TLCD4: variants seen among roughly 807,000 people sequenced by gnomAD.
TLCD4 encodes the protein TLC domain containing 4.
Under a neutral mutation model 24.2 loss-of-function variants are expected in TLCD4, and 7 were observed. The observed-to-expected ratio is 0.29, with a 90% confidence interval of 0.16 to 0.54. The LOEUF is 0.54. TLCD4 is among the 20% of genes least tolerant of loss of function. TLCD4 has a pLI of 0.95. For synonymous variants in TLCD4, 103 were observed against 106.4 expected, an observed-to-expected ratio of 0.97 and a Z score of 0.20; for missense variants, 259 against 313.9, an observed-to-expected ratio of 0.82 and a Z score of 1.32.
At chr1:95,150,690 CTTT>C (rs981878604) in intron 4 of TLCD4, among the ~76,000 whole-genome samples, 4 of 151,750 alleles carry the variant, frequency 2.6e-5, no homozygotes, top group Non-Finnish European at 5.9e-5. Flanking sequence ...CTTTGTTTTT[CTTT>C]TTAATAGTTA....
At chr1:95,095,599 G>A in the TLCD4 span, among the ~76,000 whole-genome samples, 63 of 152,058 alleles carry the variant, frequency 4.1e-4, no homozygotes, top group African/African-American at 9.6e-4. Context: ...GGGTTTCACC[G>A]TGTTAGCCAG....
intron 5 of TLCD4, among the ~76,000 whole-genome samples, chr1:95,158,847 T>C: frequency 6.6e-6 from 1 of 152,186 alleles, no homozygotes; most frequent in East Asian, 1.9e-4. Flanking sequence ...CTCATTCTTT[T>C]TTATGGTGCA....
chr1:95,099,053 CAAAAAAAAAA>C, the TLCD4 span, among the ~76,000 whole-genome samples: 1 of 70,656 alleles, frequency 1.4e-5, no homozygotes, highest in Non-Finnish European at 2.6e-5. Flanking sequence ...AACTCTGTCT[CAAAAAAAAAA>C]AAAAAAAAAA....
rs556494751 is a variant in TLCD4 at position 95,140,677 on chromosome 1, TC to T, written c.-11-3213del. 4.8e-3 allele frequency: 726 copies of T among 152,366 alleles called. 6 individuals are homozygous for T. The highest frequency in any genetic ancestry group is 5.7e-3 in the Non-Finnish European group (389 of 68,050). The allele number at this position is 152,366 out of a possible 1,614,324, so 9.4% of individuals were successfully genotyped here. ...TATTTCCCTTATCTGTTTCAGCTGC[TC>T]TTCGCTAGGCCAAATAGTATCCCAG... is the stretch of plus-strand genomic sequence containing the variant. On this transcript the variant is annotated intron_variant, in intron 1 of 6. Coordinates refer to ENST00000370203, the MANE Select transcript of TLCD4 (RefSeq NM_152487.3).
rs76479697 is a variant in TLCD4, at chr1:95,143,861, A to C, written c.-11-30A>C. 5,479 of 1,335,786 alleles carry C rather than the reference A, an allele frequency of 4.1e-3. 236 individuals are homozygous for C. In the East Asian group the frequency reaches 0.11, roughly 27 times the overall value. The allele number at this position is 1,335,786 out of a possible 1,614,324, so 82.7% of individuals were successfully genotyped here. A position where few individuals can be genotyped will look rare whatever the true frequency, so the allele number is the denominator to read the frequency against. On this transcript the variant is annotated intron_variant, in intron 1 of 6. Coordinates refer to ENST00000370203, the MANE Select transcript of TLCD4 (RefSeq NM_152487.3). ...ATTACTCTAGGTTTATTATGAGACA[A>C]CAATTTATAGCTGTCATTTATCTTA...
the TLCD4 span, among the ~76,000 whole-genome samples, chr1:95,096,966 T>C: frequency 6.6e-6 from 1 of 152,206 alleles, no homozygotes; most frequent in Non-Finnish European, 1.5e-5. Context: ...AAAAAGTATT[T>C]TAGGCATACC....
At chr1:95,140,216 G>A (rs35013306) in intron 1 of TLCD4, among the ~76,000 whole-genome samples, 13,473 of 152,172 alleles carry the variant, frequency 0.089, 666 homozygotes, top group African/African-American at 0.11. Flanking sequence ...CAACTATTAT[G>A]TACTGCACAT....
intron 6 of TLCD4, among the ~76,000 whole-genome samples, chr1:95,176,878 C>A (rs934484994): frequency 1.9e-4 from 29 of 152,182 alleles, no homozygotes; most frequent in African/African-American, 7.0e-4. Context: ...TTTTCCAGCA[C>A]ATTTGTTCAA....
intron 5 of TLCD4, among the ~76,000 whole-genome samples, chr1:95,172,521 C>T (rs1678265238): frequency 6.6e-6 from 1 of 152,154 alleles, no homozygotes; most frequent in African/African-American, 2.4e-5. Flanking sequence ...ATTCAATGCT[C>T]CTCTTGCCTG....
chr1:95,181,852 C>G (rs1175614623), intron 6 of TLCD4, among the ~76,000 whole-genome samples: 1 of 152,084 alleles, frequency 6.6e-6, no homozygotes, highest in Non-Finnish European at 1.5e-5. Flanking sequence ...AACTCCTGAC[C>G]TCGTGATCCA....
intron 3 of TLCD4, among the ~76,000 whole-genome samples, chr1:95,149,562 A>G (rs1340707489): frequency 6.6e-6 from 1 of 152,210 alleles, no homozygotes; most frequent in African/African-American, 2.4e-5. Flanking sequence ...GAATAATATC[A>G]GTATTGATAC....
At chr1:95,148,865 T>G (rs1677418970) in intron 3 of TLCD4, 74 bp downstream of exon 3, 4 of 1,556,962 alleles carry the variant, frequency 2.6e-6, no homozygotes, top group Non-Finnish European at 3.5e-6. Flanking sequence ...GAACATCACT[T>G]ACTTTAAAAC....
At chr1:95,135,644 C>T (rs979668851) in intron 1 of TLCD4, among the ~76,000 whole-genome samples, 49 of 151,968 alleles carry the variant, frequency 3.2e-4, no homozygotes, top group African/African-American at 1.0e-3. Flanking sequence ...GTGATCCACC[C>T]GCCTTGGCCT....
At chr1:95,109,156 C>T in the TLCD4 span, among the ~76,000 whole-genome samples, 5 of 151,938 alleles carry the variant, frequency 3.3e-5, no homozygotes, top group South Asian at 4.2e-4. Flanking sequence ...GGCAAAACCC[C>T]GTCTCTGCAA....
chr1:95,191,119 TATGATCC>T (rs1462992276), intron 6 of TLCD4, among the ~76,000 whole-genome samples: 2 of 152,242 alleles, frequency 1.3e-5, no homozygotes, highest in Non-Finnish European at 2.9e-5. Flanking sequence ...CATTTAGGTC[TATGATCC>T]ATTTTGAGTT....
At chr1:95,133,599 C>T (rs1676961647) in intron 1 of TLCD4, among the ~76,000 whole-genome samples, 1 of 152,158 alleles carries the variant, frequency 6.6e-6, no homozygotes, top group African/African-American at 2.4e-5. Context: ...TTGGCTTCTA[C>T]TTTTTTGTGA....
At chr1:95,126,432 G>A (rs201594727) in intron 1 of TLCD4, among the ~76,000 whole-genome samples, 19 of 137,290 alleles carry the variant, frequency 1.4e-4, no homozygotes, top group African/African-American at 1.6e-4. Flanking sequence ...TGTCTCAGGA[G>A]AAAAAAAAAA....
chr1:95,098,586 G>A, the TLCD4 span, among the ~76,000 whole-genome samples: 3 of 152,136 alleles, frequency 2.0e-5, no homozygotes, highest in East Asian at 5.8e-4. Context: ...AGAGACCCAA[G>A]TTCTGATAAA....
intron 6 of TLCD4, among the ~76,000 whole-genome samples, chr1:95,186,757 T>G (rs1678843642): frequency 1.3e-5 from 2 of 152,238 alleles, no homozygotes; most frequent in Non-Finnish European, 2.9e-5. Flanking sequence ...TGCAGTATTA[T>G]TTCATTAATT....
Sources: gnomAD v4.1 joint callset for allele counts (sites outside exome capture counted in the v4.1 genomes callset) on GRCh38, gnomAD v4.1.1 for gene constraint, MANE v1.5 for transcripts, NCBI Gene and HGNC (gene_info 2026-07-23, HGNC 2026-07-21) for gene names.